DCDC1: variants seen among roughly 807,000 people sequenced by gnomAD.
The protein encoded by DCDC1 is doublecortin domain-containing protein 1.
Under a neutral mutation model 178.3 loss-of-function variants are expected in DCDC1, and 200 were observed. The observed-to-expected ratio is 1.12, with a 90% CI of 1.00 to 1.26. DCDC1 has a LOEUF of 1.26. DCDC1 is among the 50% of genes most tolerant of loss of function. The probability of loss-of-function intolerance (pLI) is 0.00; values close to 1 mark genes in which losing one functional copy is unlikely to be tolerated. For missense variants in DCDC1, 1,983 were observed against 1,749.2 expected (o/e 1.13, Z -2.38); for synonymous variants, 690 against 604.8 (o/e 1.14, Z -2.07).
At chr11:30,997,983 AAG>A (rs1318811286) in intron 20 of DCDC1, among the ~76,000 whole-genome samples, 1 of 152,132 alleles carries the variant, frequency 6.6e-6, no homozygotes, top group African/African-American at 2.4e-5. Flanking sequence ...GTCACAAAGT[AAG>A]AGAGAGTTTA....
intron 3 of DCDC1, 111 bp from the exon 4 acceptor site, chr11:31,308,019 C>G (rs540445293): frequency 7.2e-7 from 1 of 1,387,686 alleles, no homozygotes; most frequent in Non-Finnish European, 9.8e-7. Context: ...ATACTACACA[C>G]TTAGCCATTA....
intron 20 of DCDC1, among the ~76,000 whole-genome samples, chr11:30,961,815 G>A (rs1049838239): frequency 6.6e-6 from 1 of 151,944 alleles, no homozygotes; most frequent in African/African-American, 2.4e-5. Flanking sequence ...GACTTACTTT[G>A]ATGGAATTTG....
chr11:31,285,441 T>C (rs1226756017), intron 7 of DCDC1, among the ~76,000 whole-genome samples: 3 of 152,108 alleles, frequency 2.0e-5, no homozygotes, highest in African/African-American at 7.2e-5. Context: ...CTACCCCAGG[T>C]TCTCCTTTTT....
intron 20 of DCDC1, among the ~76,000 whole-genome samples, chr11:31,062,464 C>T (rs1157121234): frequency 6.6e-6 from 1 of 151,988 alleles, no homozygotes; most frequent in Non-Finnish European, 1.5e-5. Flanking sequence ...AGCCTGTGGT[C>T]CTATTGTAGA....
intron 28 of DCDC1, among the ~76,000 whole-genome samples, chr11:30,910,016 A>G (rs949154829): frequency 6.6e-6 from 1 of 152,202 alleles, no homozygotes; most frequent in Non-Finnish European, 1.5e-5. Flanking sequence ...AATTAATTTA[A>G]TGGGTCAGAC....
intron 34 of DCDC1, among the ~76,000 whole-genome samples, chr11:30,896,709 C>G (rs888285124): frequency 6.6e-6 from 1 of 152,180 alleles, no homozygotes; most frequent in African/African-American, 2.4e-5. Flanking sequence ...AGTGGGTAAA[C>G]GAGTTGCCTT....
chr11:31,341,578 C>T (rs1950550135), intron 1 of DCDC1, among the ~76,000 whole-genome samples: 1 of 152,078 alleles, frequency 6.6e-6, no homozygotes, highest in Non-Finnish European at 1.5e-5. Flanking sequence ...GCTGATTGGT[C>T]CTAGGCTACA....
intron 7 of DCDC1, among the ~76,000 whole-genome samples, chr11:31,287,386 TC>T (rs1395778239): frequency 2.6e-5 from 4 of 151,870 alleles, no homozygotes; most frequent in Admixed American, 1.3e-4. Flanking sequence ...AAGTAGGAGT[TC>T]CATAAAATAA....
intron 20 of DCDC1, among the ~76,000 whole-genome samples, chr11:30,957,552 G>T (rs1312322842): frequency 6.6e-6 from 1 of 152,200 alleles, no homozygotes; most frequent in Non-Finnish European, 1.5e-5. Flanking sequence ...GGTGATAAAG[G>T]ATTCTGTGTT....
intron 38 of DCDC1, among the ~76,000 whole-genome samples, chr11:30,876,638 G>C (rs796290730): frequency 6.6e-6 from 1 of 152,060 alleles, no homozygotes; most frequent in South Asian, 2.1e-4. Context: ...ACCAATTTTC[G>C]CTTCAGGCGT....
intron 18 of DCDC1, among the ~76,000 whole-genome samples, chr11:31,068,521 T>C (rs1177716692): frequency 2.0e-5 from 3 of 152,150 alleles, no homozygotes; most frequent in Non-Finnish European, 4.4e-5. Flanking sequence ...ATACATCTTA[T>C]CAAGTGGGAA....
At position 30,916,915 on chromosome 11, in the gene DCDC1, G is replaced by C; in HGVS notation, c.3407C>G (p.Thr1136Arg). The change falls in exon 26 of 39, where the codon ACG becomes AGG. Residue 1136 changes from threonine (T) to arginine (R), a missense_variant. Transcript: ENST00000684477. ...CACATTTTCAAAGAGCCCTTTTTCCGTTTTCTTTGGAAGACTGTCATCCTC... is the reference window on the plus strand; with the variant it reads ...CACATTTTCAAAGAGCCCTTTTTCCCTTTTCTTTGGAAGACTGTCATCCTC... ...FDEDDSLPKK[T>R]EKGLFENVEP... 6.2e-7 allele frequency: 1 copy of C among 1,607,774 alleles called. No individual in the cohort carries two copies.
At chr11:30,949,636 A>C (rs955976278) in intron 21 of DCDC1, among the ~76,000 whole-genome samples, 3 of 152,236 alleles carry the variant, frequency 2.0e-5, no homozygotes, top group Non-Finnish European at 4.4e-5. Flanking sequence ...CTGGATAAAG[A>C]AAATGTGGCA....
chr11:31,189,454 T>C (rs969079597), intron 9 of DCDC1, among the ~76,000 whole-genome samples: 5 of 152,186 alleles, frequency 3.3e-5, no homozygotes, highest in Non-Finnish European at 5.9e-5. Context: ...GACTGAAACA[T>C]CCACTATATT....
intron 20 of DCDC1, among the ~76,000 whole-genome samples, chr11:30,960,871 T>C (rs1430559888): frequency 1.3e-5 from 2 of 152,106 alleles, no homozygotes; most frequent in Non-Finnish European, 2.9e-5. Flanking sequence ...GCCTTCCCAT[T>C]AAAGGCAAAA....
intron 9 of DCDC1, among the ~76,000 whole-genome samples, chr11:31,221,306 C>T (rs1410104812): frequency 1.3e-5 from 2 of 152,104 alleles, no homozygotes; most frequent in African/African-American, 4.8e-5. Context: ...TGAAACTAGA[C>T]AAGTTATATG....
intron 10 of DCDC1, among the ~76,000 whole-genome samples, chr11:31,136,381 A>G (rs929928118): frequency 6.6e-6 from 1 of 152,100 alleles, no homozygotes; most frequent in Non-Finnish European, 1.5e-5. Flanking sequence ...TTATCTACTG[A>G]GATGGCTAAT....
chr11:31,097,369 C>T (rs1045919660), intron 15 of DCDC1, among the ~76,000 whole-genome samples: 3 of 152,184 alleles, frequency 2.0e-5, no homozygotes, highest in African/African-American at 7.2e-5. Flanking sequence ...GAGCACAACC[C>T]TCATTTGAAC....
chr11:31,085,184 A>C (rs1054577766), intron 17 of DCDC1, among the ~76,000 whole-genome samples: 2 of 151,522 alleles, frequency 1.3e-5, no homozygotes, highest in Admixed American at 1.3e-4. Flanking sequence ...TTTTAAAAAA[A>C]ACTGCTTTAT....
Sources: allele counts gnomAD v4.1 joint callset (sites outside exome capture counted in the v4.1 genomes callset), GRCh38; gene constraint gnomAD v4.1.1; transcripts MANE v1.5; gene names NCBI Gene and HGNC (gene_info 2026-07-23, HGNC 2026-07-21).